The following GNAQ variants were observed in gnomAD, a reference collection of about 807,000 sequenced individuals.
GNAQ encodes guanine nucleotide-binding protein G(q) subunit alpha.
GNAQ carries 8 observed loss-of-function variants against 43.9 expected under a neutral mutation model. The observed-to-expected ratio is 0.18, with a 90% CI of 0.11 to 0.33. GNAQ has a LOEUF of 0.33. GNAQ is among the 10% of genes least tolerant of loss of function. The pLI is 1.00. For missense variants in GNAQ, 158 were observed against 450.8 expected, an observed-to-expected ratio of 0.35 and a Z score of 5.88; for synonymous variants, 155 against 170.7, an observed-to-expected ratio of 0.91 and a Z score of 0.71.
intron 2 of GNAQ, among the ~76,000 whole-genome samples, chr9:77,817,181 CCT>C (rs1284870136): frequency 6.6e-6 from 1 of 152,160 alleles, no homozygotes; most frequent in Non-Finnish European, 1.5e-5. Context: ...TCATCGTTCC[CCT>C]CTGAGACTCG....
intron 2 of GNAQ, among the ~76,000 whole-genome samples, chr9:77,871,552 G>A (rs1397298415): frequency 6.6e-6 from 1 of 152,158 alleles, no homozygotes; most frequent in Non-Finnish European, 1.5e-5. Context: ...ATCCTCAACA[G>A]TGGTGGGCTT....
chr9:77,814,569 T>C (rs1052091421), intron 3 of GNAQ, among the ~76,000 whole-genome samples: 1 of 152,202 alleles, frequency 6.6e-6, no homozygotes, highest in African/African-American at 2.4e-5. Flanking sequence ...GAATCATATC[T>C]TATACAAATG....
At chr9:77,831,996 G>C (rs967397192) in intron 2 of GNAQ, among the ~76,000 whole-genome samples, 5 of 152,018 alleles carry the variant, frequency 3.3e-5, no homozygotes, top group African/African-American at 1.2e-4. Flanking sequence ...TCAGTGTCAT[G>C]TGCTCTTCTC....
At chr9:77,844,935 A>G (rs1186009028) in intron 2 of GNAQ, among the ~76,000 whole-genome samples, 1 of 152,154 alleles carries the variant, frequency 6.6e-6, no homozygotes, top group East Asian at 1.9e-4. Flanking sequence ...TCGGCCTCCC[A>G]AGTACTGGGA....
chr9:77,819,685 C>G (rs188813575), intron 2 of GNAQ, among the ~76,000 whole-genome samples: 1 of 151,860 alleles, frequency 6.6e-6, no homozygotes, highest in African/African-American at 2.4e-5. Context: ...CAATTCTGAA[C>G]TGCAGCACAC....
intron 1 of GNAQ, among the ~76,000 whole-genome samples, chr9:77,980,267 T>C (rs1161131475): frequency 6.6e-6 from 1 of 152,196 alleles, no homozygotes; most frequent in Non-Finnish European, 1.5e-5. Context: ...CTGGTGCTCA[T>C]AAACCAGTGC....
intron 5 of GNAQ, among the ~76,000 whole-genome samples, chr9:77,752,075 C>T (rs1345069014): frequency 1.3e-5 from 2 of 152,116 alleles, no homozygotes; most frequent in African/African-American, 2.4e-5. Flanking sequence ...TCAGTATGCA[C>T]GCAGTGGGAA....
intron 1 of GNAQ, among the ~76,000 whole-genome samples, chr9:77,966,526 T>G (rs1311941823): frequency 6.6e-6 from 1 of 152,166 alleles, no homozygotes; most frequent in Non-Finnish European, 1.5e-5. Flanking sequence ...GGAACAAAAT[T>G]CATTTTTCTT....
intron 1 of GNAQ, among the ~76,000 whole-genome samples, chr9:77,923,747 TCAC>T (rs1829030127): frequency 6.7e-6 from 1 of 149,570 alleles, no homozygotes; most frequent in Non-Finnish European, 1.5e-5. Context: ...TGCCATTTGC[TCAC>T]TACAAAGCTG....
At chr9:77,837,168 T>G (rs1827402450) in intron 2 of GNAQ, among the ~76,000 whole-genome samples, 1 of 152,182 alleles carries the variant, frequency 6.6e-6, no homozygotes, top group Non-Finnish European at 1.5e-5. Flanking sequence ...AAGACATATG[T>G]TAATCAGTCT....
chr9:78,017,216 T>C (rs1823849928), intron 1 of GNAQ, among the ~76,000 whole-genome samples: 1 of 152,202 alleles, frequency 6.6e-6, no homozygotes, highest in African/African-American at 2.4e-5. Context: ...ATTTCTGTGG[T>C]GTAAACCCTA....
chr9:77,750,154 C>T (rs1587897027), intron 5 of GNAQ, among the ~76,000 whole-genome samples: 1 of 151,352 alleles, frequency 6.6e-6, no homozygotes, highest in East Asian at 1.9e-4. Context: ...CAGCTATAAA[C>T]ATATTTTCTT....
rs1003882405 is a variant in GNAQ at position 77,716,667 on chromosome 9, T to C, written c.*4656A>G. 1.3e-5 allele frequency: 3 copies of C among 232,890 alleles called. No homozygotes were observed. The highest frequency in any genetic ancestry group is 2.5e-5 in the Non-Finnish European group (3 of 117,914). The allele number at this position is 232,890 out of a possible 1,614,324, so 14.4% of individuals were successfully genotyped here. A position where few individuals can be genotyped will look rare whatever the true frequency, so the allele number is the denominator to read the frequency against. Reference sequence around the variant, plus strand: ...TCTACCAACGAATACCTTTCTGTTTTTTCTGTCTACCAAAAGCTTATATAA... The same window carrying C: ...TCTACCAACGAATACCTTTCTGTTTCTTCTGTCTACCAAAAGCTTATATAA... On this transcript the variant is annotated 3_prime_UTR_variant, in exon 7 of 7. Coordinates refer to ENST00000286548, the MANE Select transcript of GNAQ (RefSeq NM_002072.5).
At chr9:77,839,490 C>T (rs1827447755) in intron 2 of GNAQ, among the ~76,000 whole-genome samples, 2 of 152,210 alleles carry the variant, frequency 1.3e-5, no homozygotes, top group Admixed American at 1.3e-4. Flanking sequence ...AAATTATAGC[C>T]TTCAGATTCC....
At chr9:78,030,625 TC>T in intron 1 of GNAQ, 1 of 443,746 alleles carries the variant, frequency 2.3e-6, no homozygotes, top group Non-Finnish European at 4.7e-6. Context: ...CCGCAGGCCA[TC>T]CCCCAACGTG....
intron 1 of GNAQ, among the ~76,000 whole-genome samples, chr9:77,939,529 A>G (rs1426151708): frequency 6.6e-6 from 1 of 152,178 alleles, no homozygotes; most frequent in African/African-American, 2.4e-5. Flanking sequence ...TAAAGCATGA[A>G]TAATTCTAAA....
chr9:77,945,882 C>G (rs753243858), intron 1 of GNAQ, among the ~76,000 whole-genome samples: 7 of 152,138 alleles, frequency 4.6e-5, no homozygotes, highest in Non-Finnish European at 8.8e-5. Context: ...AAACTGAGGT[C>G]TACTGAAGTT....
intron 5 of GNAQ, among the ~76,000 whole-genome samples, chr9:77,767,246 G>A (rs1467869893): frequency 6.6e-6 from 1 of 152,134 alleles, no homozygotes. Context: ...GGATGATTAT[G>A]TGTTGTGAGG....
intron 1 of GNAQ, among the ~76,000 whole-genome samples, chr9:78,011,990 C>T (rs1207101356): frequency 1.3e-5 from 2 of 152,144 alleles, no homozygotes; most frequent in African/African-American, 2.4e-5. Context: ...TTATAAAACA[C>T]TGAAGCATAA....
Sources: allele counts gnomAD v4.1 joint callset (sites outside exome capture counted in the v4.1 genomes callset), GRCh38; gene constraint gnomAD v4.1.1; transcripts MANE v1.5; gene names NCBI Gene and HGNC (gene_info 2026-07-23, HGNC 2026-07-21).